Variants in SRM observed in about 807,000 individuals in gnomAD.
The protein encoded by SRM is spermidine synthase.
A neutral mutation model predicts 39.3 loss-of-function variants in SRM; 14 were observed. That is an observed-to-expected ratio of 0.36 (90% CI 0.24 to 0.56). SRM has a LOEUF of 0.56. Among genes scored for constraint, SRM ranks in the 20% least tolerant of loss-of-function variants. SRM has a pLI of 0.86. For synonymous variants in SRM, 195 were observed against 173.1 expected, an observed-to-expected ratio of 1.13 and a Z score of -0.99; for missense variants, 244 against 409.2, an observed-to-expected ratio of 0.60 and a Z score of 3.48.
chr1:11,054,819 C>T lies in SRM; in HGVS notation c.*46G>A. ...TGGAGGGGCCGAGGCACCCCGCAGG[C>T]TCCAAGGTCCGAGGTCCTGGGTGGC... On this transcript the variant is annotated 3_prime_UTR_variant, in exon 8 of 8. Transcript: ENST00000376957. The surrounding 1 kb of genome is among the most constrained non-coding windows in gnomAD (Gnocchi z 4.8). The T allele has an allele frequency of 6.4e-7, 1 of 1,564,502 alleles. No homozygotes were observed. Among genetic ancestry groups the T allele is most frequent in the Non-Finnish European group, 8.7e-7 (1 of 1,153,864 alleles).
chr1:11,059,252 A>G lies in SRM; in HGVS notation c.261T>C (p.Pro87=). ...FSYQEMIANL[P]LCSHPNPRKV... ...TTCGCGGGTTGGGGTGGCTGCAGAGAGGCAGGTTGGCGATCATCTCCTGGT... is the reference window on the plus strand; with the variant it reads ...TTCGCGGGTTGGGGTGGCTGCAGAGGGGCAGGTTGGCGATCATCTCCTGGT... The change falls in exon 2 of 8, where the codon CCT becomes CCC. Residue 87 remains proline (P), a synonymous_variant. Transcript: ENST00000376957. 1 of 1,613,446 alleles carries G rather than the reference A, an allele frequency of 6.2e-7. No homozygotes were observed. The highest frequency in any genetic ancestry group is 8.5e-7 in the Non-Finnish European group (1 of 1,179,944).
intron 1 of SRM, 79 bp from the exon 2 acceptor site, chr1:11,059,424 G>A (rs1347171015): frequency 2.5e-6 from 4 of 1,586,604 alleles, no homozygotes; most frequent in African/African-American, 2.7e-5. Flanking sequence ...GGGTGAGGAG[G>A]GTCTCCCCAT....
intron 3 of SRM, among the ~76,000 whole-genome samples, chr1:11,058,359 C>G (rs987706972): frequency 6.6e-6 from 1 of 151,824 alleles, no homozygotes; most frequent in Non-Finnish European, 1.5e-5. Flanking sequence ...TCGCCAGGTC[C>G]GAGACCAGCC....
In SRM at chr1:11,054,859, CTG is replaced by C. The variant is rs1638840789; in HGVS notation, c.*4_*5del. The stretch of plus-strand genomic sequence containing the variant: ...TCCTGGGTGGCATCAGTGGTGGCGC[CTG>C]GGCTCAGCTCACATCATTCAGGGCC... On this transcript the variant is annotated 3_prime_UTR_variant, in exon 8 of 8. Coordinates refer to ENST00000376957, the MANE Select transcript of SRM (RefSeq NM_003132.3). The surrounding 1 kb of genome is among the most constrained non-coding windows in gnomAD (Gnocchi z 4.8). 3 of 1,604,224 alleles carry C rather than the reference CTG, an allele frequency of 1.9e-6. No homozygotes were observed. In the East Asian group the frequency reaches 6.7e-5, roughly 36 times the overall value.
chr1:11,059,719 G>A, intron 1 of SRM, 58 bp downstream of exon 1: 1 of 1,522,068 alleles, frequency 6.6e-7, no homozygotes, highest in Non-Finnish European at 8.7e-7. Context: ...CCGTGAGGCG[G>A]GCAGCAGGCG....
chr1:11,058,782 C>T lies in SRM; in HGVS notation c.381+18G>A, dbSNP rs1638924164. ...TGGGAGAACCAGGACTCAAACCTGG[C>T]TCTACGCCGGCACTCACCTCGTCGA... On this transcript the variant is annotated intron_variant, in intron 3 of 7. Coordinates refer to ENST00000376957, the MANE Select transcript of SRM (RefSeq NM_003132.3). 1.9e-6 allele frequency: 3 copies of T among 1,592,654 alleles called. No homozygotes were observed. Among genetic ancestry groups the T allele is most frequent in the Non-Finnish European group, 1.7e-6 (2 of 1,170,304 alleles).
intron 4 of SRM, among the ~76,000 whole-genome samples, chr1:11,056,397 C>T (rs1638878196): frequency 6.6e-6 from 1 of 152,236 alleles, no homozygotes. Context: ...TCTCCTTGGT[C>T]ACCAGCTTGT....
chr1:11,057,374 A>T (rs1368497318), intron 3 of SRM, among the ~76,000 whole-genome samples: 19 of 151,478 alleles, frequency 1.3e-4, no homozygotes, highest in Admixed American at 9.2e-4. Flanking sequence ...GCTGGAGTGC[A>T]GTGGCACGAT....
chr1:11,054,940 C>G lies in SRM; in HGVS notation c.888+22G>C. The G allele has an allele frequency of 6.2e-7, 1 of 1,611,696 alleles. No individual in the cohort carries two copies. The highest frequency in any genetic ancestry group is 8.5e-7 in the Non-Finnish European group (1 of 1,179,784). ...CGCTCTGGGTCCCTGGGTCCCACCACCCAGCCCCGCAGGCCACCCACCTTG... is the reference window on the plus strand; with the variant it reads ...CGCTCTGGGTCCCTGGGTCCCACCAGCCAGCCCCGCAGGCCACCCACCTTG... On this transcript the variant is annotated intron_variant, in intron 7 of 7. Transcript: ENST00000376957. The surrounding 1 kb of genome is among the most constrained non-coding windows in gnomAD (Gnocchi z 4.8).
rs375595538 is a variant in SRM, at chr1:11,054,895, C to T, written c.889-10G>A. 280 of 1,611,242 alleles carry T rather than the reference C, an allele frequency of 1.7e-4. No homozygotes were observed. The highest frequency in any genetic ancestry group is 2.3e-4 in the Non-Finnish European group (272 of 1,179,544). On this transcript the variant is annotated splice_polypyrimidine_tract_variant and intron_variant, in intron 7 of 7. Coordinates refer to ENST00000376957, the MANE Select transcript of SRM (RefSeq NM_003132.3). This position sits in a 1 kb window ranked among gnomAD's most constrained non-coding sequence, Gnocchi z 4.8. ...TCACATCATTCAGGGCCTGGAGGGA[C>T]ATGAGGCCAGTCAGGAGGGCGCTCT... is the stretch of plus-strand genomic sequence containing the variant.
At chr1:11,059,609 C>T in intron 1 of SRM, 168 bp downstream of exon 1, 1 of 973,018 alleles carries the variant, frequency 1.0e-6, no homozygotes, top group Non-Finnish European at 1.5e-6. Flanking sequence ...AAGAGGCCAG[C>T]CCGCAGTCCC....
intron 1 of SRM, 48 bp downstream of exon 1, chr1:11,059,729 G>T: frequency 6.5e-7 from 1 of 1,538,512 alleles, no homozygotes; most frequent in African/African-American, 1.4e-5. Flanking sequence ...GGCAGCAGGC[G>T]GCCCGGGCTG....
Position 11,056,041 on chromosome 1 carries a change from G to A in SRM, c.589C>T (p.Leu197Phe). The A allele has an allele frequency of 6.2e-7, 1 of 1,613,286 alleles. No individual in the cohort carries two copies. Among genetic ancestry groups the A allele is most frequent in the Non-Finnish European group, 8.5e-7 (1 of 1,179,634 alleles). ...ESYYQLMKTALKEDGVLCCQG... is the reference protein window; with the variant it reads ...ESYYQLMKTAFKEDGVLCCQG... ...CAGCAGAGGACACCATCTTCCTTGA[G>A]GGCTGTCTTCATGAGCTGGTAATAG... Residue 197 changes from leucine to phenylalanine, a missense_variant, in exon 5 of 8, where the codon CTC becomes TTC. Leu to Phe is a conservative substitution (Grantham distance 22, BLOSUM62 0). Transcript: ENST00000376957.
rs560721204 is a variant in SRM, at chr1:11,054,813, C to G, written c.*52G>C. 6.4e-7 allele frequency: 1 copy of G among 1,555,640 alleles called. No homozygotes were observed. The highest frequency in any genetic ancestry group is 1.9e-5 in the Admixed American group (1 of 52,974). On this transcript the variant is annotated 3_prime_UTR_variant, in exon 8 of 8. Coordinates refer to ENST00000376957, the MANE Select transcript of SRM (RefSeq NM_003132.3). The surrounding 1 kb of genome is among the most constrained non-coding windows in gnomAD (Gnocchi z 4.8). ...CGGGGCTGGAGGGGCCGAGGCACCC[C>G]GCAGGCTCCAAGGTCCGAGGTCCTG...
In SRM at chr1:11,058,432, A is replaced by T. The variant is rs537476887; in HGVS notation, c.381+368T>A. Among the ~76,000 whole-genome samples, 19 of 151,912 alleles carry T rather than the reference A, an allele frequency of 1.3e-4. No individual in the cohort carries two copies. In the South Asian group the frequency reaches 3.8e-3, roughly 30 times the overall value. On this transcript the variant is annotated intron_variant, in intron 3 of 7. Coordinates refer to ENST00000376957, the MANE Select transcript of SRM (RefSeq NM_003132.3). ...CAAAATTAGCCGGGCATGGTAGCGCATGTCTGTAATCCCAGCTACTCCGGA... is the reference window on the plus strand; with the variant it reads ...CAAAATTAGCCGGGCATGGTAGCGCTTGTCTGTAATCCCAGCTACTCCGGA...
Position 11,059,236 on chromosome 1 carries a change from T to TG in SRM, c.276dup (p.Asn93GlnfsTer32). On this transcript the variant is annotated frameshift_variant, in exon 2 of 8. Transcript: ENST00000376957. LOFTEE classifies it high-confidence loss of function. The stretch of plus-strand genomic sequence containing the variant: ...GGACACTGGGGTACCTTTCGCGGGT[T>TG]GGGGTGGCTGCAGAGAGGCAGGTTG... 6.2e-7 allele frequency: 1 copy of TG among 1,613,436 alleles called. No homozygotes were observed. The highest frequency in any genetic ancestry group is 8.5e-7 in the Non-Finnish European group (1 of 1,179,950).
At chr1:11,057,109 G>C (rs979901213) in intron 3 of SRM, among the ~76,000 whole-genome samples, 1 of 151,940 alleles carries the variant, frequency 6.6e-6, no homozygotes, top group African/African-American at 2.4e-5. Context: ...CTCCCACCTC[G>C]GCCTCCAAAA....
chr1:11,055,171 GC>G (rs1638850245), intron 6 of SRM, 87 bp from the exon 7 acceptor site: 2 of 1,475,612 alleles, frequency 1.4e-6, no homozygotes. Flanking sequence ...ACGCTGGAGT[GC>G]AGTGGCGTCA....
chr1:11,059,138 C>T (rs965301154), intron 2 of SRM, 87 bp downstream of exon 2: 2 of 1,592,922 alleles, frequency 1.3e-6, no homozygotes, highest in Admixed American at 1.7e-5. Context: ...CTTTCTCTGA[C>T]AACCATGCAG....
Sources: gnomAD v4.1 joint callset for allele counts (sites outside exome capture counted in the v4.1 genomes callset) on GRCh38, gnomAD v4.1.1 for gene constraint, Gnocchi (gnomAD v3.1) non-coding constraint, MANE v1.5 for transcripts, NCBI Gene and HGNC (gene_info 2026-07-23, HGNC 2026-07-21) for gene names.